RACK1: variants seen among roughly 807,000 people sequenced by gnomAD.
RACK1 encodes the protein small ribosomal subunit protein RACK1.
RACK1 carries 3 observed loss-of-function variants against 42.2 expected under a neutral mutation model. The observed-to-expected ratio is 0.07, with a 90% CI of 0.03 to 0.18. RACK1 has a LOEUF of 0.18. RACK1 is among the 10% of genes least tolerant of loss of function. The probability of loss-of-function intolerance (pLI) is 1.00; values close to 1 mark genes in which losing one functional copy is unlikely to be tolerated. For missense variants in RACK1, 146 were observed against 403.2 expected (o/e 0.36, Z 5.46); for synonymous variants, 181 against 154.8 (o/e 1.17, Z -1.25).
At chr5:181,239,253 T>C in intron 4 of RACK1, 76 bp from the exon 5 acceptor site, 1 of 961,062 alleles carries the variant, frequency 1.0e-6, no homozygotes. Context: ...AAAAAGGGCT[T>C]GGCACTTCTG....
intron 4 of RACK1, 81 bp from the exon 5 acceptor site, chr5:181,239,258 C>T (rs767334605): frequency 5.4e-6 from 5 of 919,930 alleles, no homozygotes; most frequent in Admixed American, 5.2e-5. Flanking sequence ...GGGCTTGGCA[C>T]TTCTGGATAC....
chr5:181,239,821 G>T (rs1334817484), intron 3 of RACK1, among the ~76,000 whole-genome samples: 2 of 152,238 alleles, frequency 1.3e-5, no homozygotes, highest in African/African-American at 2.4e-5. Flanking sequence ...GAGGTAAGTG[G>T]ATCACCTGAG....
chr5:181,238,039 A>G, intron 6 of RACK1, 60 bp downstream of exon 6: 1 of 1,588,834 alleles, frequency 6.3e-7, no homozygotes, highest in Non-Finnish European at 8.6e-7. Flanking sequence ...TATAATAACC[A>G]AAACATTGCC....
chr5:181,242,807 C>T (rs1239615037), intron 1 of RACK1: 1 of 332,734 alleles, frequency 3.0e-6, no homozygotes, highest in Non-Finnish European at 5.9e-6. Flanking sequence ...GATCCACTCG[C>T]CTCTGCCTTC....
At chr5:181,237,282 A>G (rs79176548) in intron 7 of RACK1, 6 of 764,098 alleles carry the variant, frequency 7.9e-6, no homozygotes, top group African/African-American at 1.7e-5. Context: ...AACCGCTCTC[A>G]TTTCAACAGC....
intron 1 of RACK1, chr5:181,243,252 A>T: frequency 7.4e-7 from 1 of 1,347,352 alleles, no homozygotes. Context: ...GTAGGCCGAC[A>T]CTTGAGCCAC....
intron 6 of RACK1, 23 bp from the exon 7 acceptor site, chr5:181,237,742 C>T: frequency 1.6e-6 from 2 of 1,222,844 alleles, no homozygotes. Flanking sequence ...GCAAAAGCAA[C>T]CTTAAGACTT....
chr5:181,239,005 G>T (rs1485643821), intron 5 of RACK1, 62 bp downstream of exon 5: 2 of 1,061,908 alleles, frequency 1.9e-6, no homozygotes, highest in Non-Finnish European at 3.0e-6. Context: ...AGAGACGCTG[G>T]CTAAGTGCTC....
intron 5 of RACK1, 200 bp downstream of exon 5, chr5:181,238,867 C>G: frequency 1.6e-6 from 1 of 623,470 alleles, no homozygotes; most frequent in East Asian, 3.1e-5. Flanking sequence ...AGAAAATCAT[C>G]TTTTTCTTCC....
At chr5:181,237,190 GC>G in intron 7 of RACK1, 148 bp from the exon 8 acceptor site, 1 of 1,445,540 alleles carries the variant, frequency 6.9e-7, no homozygotes, top group Non-Finnish European at 9.5e-7. Flanking sequence ...GCTCACTACA[GC>G]CTTAAGCCCC....
At chr5:181,241,156 TG>T (rs1331935980) in intron 3 of RACK1, 1 of 165,246 alleles carries the variant, frequency 6.1e-6, no homozygotes, top group Non-Finnish European at 1.2e-5. Context: ...GATAGGCAGG[TG>T]GGGGCTCACG....
chr5:181,242,451 A>G (rs1370107930), intron 1 of RACK1, 106 bp from the exon 2 acceptor site: 1 of 719,002 alleles, frequency 1.4e-6, no homozygotes, highest in Non-Finnish European at 2.4e-6. Flanking sequence ...AACAACAACT[A>G]AGGACGCTTA....
chr5:181,240,067 A>G (rs1759282873), intron 3 of RACK1: 1 of 158,412 alleles, frequency 6.3e-6, no homozygotes, highest in Non-Finnish European at 1.4e-5. Context: ...TATAATAATA[A>G]TAATAGGGCC....
chr5:181,243,329 C>G (rs1398786658), intron 1 of RACK1: 8 of 1,366,924 alleles, frequency 5.9e-6, no homozygotes, highest in Non-Finnish European at 7.8e-6. Context: ...GAAACAGCCT[C>G]TGGATTTCAG....
chr5:181,238,570 C>T lies in RACK1; in HGVS notation c.637-331G>A, dbSNP rs548254854. 63 of 336,378 alleles carry T rather than the reference C, an allele frequency of 1.9e-4. 1 individual carries two copies. Among genetic ancestry groups the T allele is most frequent in the South Asian group, 1.3e-3 (54 of 40,222 alleles). The allele number at this position is 336,378 out of a possible 1,614,324, so 20.8% of individuals were successfully genotyped here. A position where few individuals can be genotyped will look rare whatever the true frequency, so the allele number is the denominator to read the frequency against. On this transcript the variant is annotated intron_variant, in intron 5 of 7. Coordinates refer to ENST00000512805, the MANE Select transcript of RACK1 (RefSeq NM_006098.5). ...CTGTAATCCCAGCACTTTGGGAAGCCGAGGTGGGCGGATCACCTGAGGTCA... is the reference window on the plus strand; with the variant it reads ...CTGTAATCCCAGCACTTTGGGAAGCTGAGGTGGGCGGATCACCTGAGGTCA...
At chr5:181,239,609 G>A (rs375725949) in intron 3 of RACK1, 27 bp from the exon 4 acceptor site, 67 of 1,452,828 alleles carry the variant, frequency 4.6e-5, no homozygotes, top group Middle Eastern at 3.7e-4. Flanking sequence ...GGAAATTAGG[G>A]CAAACAGTCC....
chr5:181,239,209 C>T (rs1191525816), intron 4 of RACK1, 32 bp from the exon 5 acceptor site: 3 of 1,422,492 alleles, frequency 2.1e-6, no homozygotes, highest in South Asian at 2.3e-5. Flanking sequence ...AGGTGAACAT[C>T]CTAGCTCTTG....
At chr5:181,237,372 GATTA>G (rs1160461572) in intron 7 of RACK1, 31 of 703,726 alleles carry the variant, frequency 4.4e-5, no homozygotes, top group African/African-American at 8.7e-5. Context: ...AAACTGGTCA[GATTA>G]ATTAAGGTAT....
chr5:181,242,452 A>C (rs889355442), intron 1 of RACK1, 107 bp from the exon 2 acceptor site: 1 of 722,746 alleles, frequency 1.4e-6, no homozygotes, highest in Admixed American at 2.2e-5. Context: ...ACAACAACTA[A>C]GGACGCTTAA....
Sources: allele counts gnomAD v4.1 joint callset (sites outside exome capture counted in the v4.1 genomes callset), GRCh38; gene constraint gnomAD v4.1.1; transcripts MANE v1.5; gene names NCBI Gene and HGNC (gene_info 2026-07-23, HGNC 2026-07-21).